Variants in NALCN observed in about 807,000 individuals in gnomAD.
NALCN encodes the protein sodium leak channel, non-selective, also known as sodium leak channel NALCN.
A neutral mutation model predicts 225.3 loss-of-function variants in NALCN; 111 were observed. The observed-to-expected ratio is 0.49, with a 90% CI of 0.42 to 0.58. The LOEUF (loss-of-function observed/expected upper bound fraction) is 0.58. NALCN is among the 20% of genes least tolerant of loss of function. The probability of loss-of-function intolerance (pLI) is 0.00; values close to 1 mark genes in which losing one functional copy is unlikely to be tolerated. For synonymous variants in NALCN, 764 were observed against 769.0 expected (o/e 0.99, Z 0.11); for missense variants, 1,378 against 2,202.4 (o/e 0.63, Z 7.49).
chr13:101,237,216 G>C (rs934917350), intron 12 of NALCN, among the ~76,000 whole-genome samples: 19 of 151,750 alleles, frequency 1.3e-4, no homozygotes, highest in African/African-American at 3.9e-4. Context: ...AGTTAAATAA[G>C]AATTATAAGT....
At chr13:101,233,367 G>A (rs12866758) in intron 12 of NALCN, among the ~76,000 whole-genome samples, 34,377 of 147,482 alleles carry the variant, frequency 0.23, 4,276 homozygotes, top group East Asian at 0.36. Flanking sequence ...GTGAGACGGA[G>A]TCTCCCTCTG....
At position 101,203,888 on chromosome 13, in the gene NALCN, T is replaced by C. The variant is rs369972053; in HGVS notation, c.1627-11834A>G. On this transcript the variant is annotated intron_variant, in intron 13 of 43. Coordinates refer to ENST00000251127, the MANE Select transcript of NALCN (RefSeq NM_052867.4). ...TACTAATAGATGCTATGAATTGCCT[T>C]TTGGTGCTGTCAACTCATCAGGGTC... Among the ~76,000 whole-genome samples the C allele has an allele frequency of 1.1e-4, 16 of 152,290 alleles. 1 individual carries two copies. The East Asian group carries it at 1.5e-3, about 15-fold the overall frequency.
intron 13 of NALCN, among the ~76,000 whole-genome samples, chr13:101,222,765 T>C (rs1195094840): frequency 6.6e-6 from 1 of 152,204 alleles, no homozygotes; most frequent in Non-Finnish European, 1.5e-5. Flanking sequence ...TCCATTCCAA[T>C]GCCTAAATTT....
At chr13:101,415,228 T>TATATATATATATATATATAAATAC in intron 1 of NALCN, among the ~76,000 whole-genome samples, 1 of 129,300 alleles carries the variant, frequency 7.7e-6, no homozygotes, top group Non-Finnish European at 1.6e-5. Flanking sequence ...TATATATACA[T>TATATATATATATATATATAAATAC]ACATATATAT....
rs1310736257 is a variant in NALCN, at chr13:101,229,517, C to A, written c.1502G>T (p.Gly501Val). The A allele has an allele frequency of 6.2e-7, 1 of 1,611,750 alleles. No homozygotes were observed. Among genetic ancestry groups the A allele is most frequent in the Non-Finnish European group, 8.5e-7 (1 of 1,179,030 alleles). ...ALEDFVYKIF[G>V]PGKKLGSLVV... ...CAAACTCCCAAGCTTTTTTCCAGGA[C>A]CAAATATCTTGTACACAAAGTCTTC... The change falls in exon 13 of 44, where the codon GGT becomes GTT. Residue 501 changes from glycine to valine, a missense_variant. Transcript: ENST00000251127.
chr13:101,115,842 A>G (rs2035682634), intron 18 of NALCN, among the ~76,000 whole-genome samples: 3 of 152,156 alleles, frequency 2.0e-5, no homozygotes, highest in African/African-American at 4.8e-5. Flanking sequence ...TCTTTTCACA[A>G]TGGCAAGTAC....
chr13:101,067,197 G>C (rs1160452098), intron 39 of NALCN, among the ~76,000 whole-genome samples: 2 of 148,278 alleles, frequency 1.3e-5, no homozygotes, highest in Non-Finnish European at 3.0e-5. Flanking sequence ...AGGAGGAGGT[G>C]GGGGAGGAGA....
intron 15 of NALCN, among the ~76,000 whole-genome samples, chr13:101,163,339 T>C (rs1489368505): frequency 1.3e-5 from 2 of 152,092 alleles, no homozygotes; most frequent in East Asian, 1.9e-4. Context: ...TGGACAATCT[T>C]AGGTGTGTAG....
chr13:101,142,978 C>G, intron 17 of NALCN, 102 bp downstream of exon 17: 1 of 1,375,468 alleles, frequency 7.3e-7, no homozygotes, highest in Non-Finnish European at 1.0e-6. Flanking sequence ...TTTCATTATT[C>G]TCTTGAGAAA....
intron 6 of NALCN, among the ~76,000 whole-genome samples, chr13:101,360,067 T>TTTTC (rs548734563): frequency 2.7e-5 from 4 of 148,760 alleles, no homozygotes; most frequent in South Asian, 2.2e-4. Flanking sequence ...CTTTCTTTCT[T>TTTTC]TTTCTTTCTT....
chr13:101,278,817 C>A (rs761777079), intron 10 of NALCN, among the ~76,000 whole-genome samples: 6 of 152,256 alleles, frequency 3.9e-5, no homozygotes, highest in South Asian at 4.2e-4. Context: ...TAGACTCCAA[C>A]GACATGCATA....
At chr13:101,291,549 T>C (rs1489374707) in intron 9 of NALCN, among the ~76,000 whole-genome samples, 1 of 152,110 alleles carries the variant, frequency 6.6e-6, no homozygotes, top group Non-Finnish European at 1.5e-5. Flanking sequence ...TTATTTTATT[T>C]TCTTTTATGT....
At chr13:101,137,883 A>G (rs1394986011) in intron 17 of NALCN, among the ~76,000 whole-genome samples, 1 of 152,184 alleles carries the variant, frequency 6.6e-6, no homozygotes, top group African/African-American at 2.4e-5. Flanking sequence ...ATTTAACATT[A>G]TTACATTATT....
chr13:101,104,766 TC>T lies in NALCN; in HGVS notation c.2637-117del, dbSNP rs775197221. On this transcript the variant is annotated intron_variant, in intron 23 of 43. Coordinates refer to ENST00000251127, the MANE Select transcript of NALCN (RefSeq NM_052867.4). The surrounding 1 kb of genome is among the most constrained non-coding windows in gnomAD (Gnocchi z 4.2). ...ATGACTGGTATTTTAAAAACATCAT[TC>T]CCCAATCATCTATTTCATAGCACTA... The T allele has an allele frequency of 3.2e-6, 5 of 1,546,288 alleles. No individual in the cohort carries two copies. Among genetic ancestry groups the T allele is most frequent in the Non-Finnish European group, 3.5e-6 (4 of 1,129,936 alleles).
chr13:101,252,985 A>G (rs570279665), intron 11 of NALCN, among the ~76,000 whole-genome samples: 2 of 152,258 alleles, frequency 1.3e-5, no homozygotes, highest in South Asian at 4.1e-4. Flanking sequence ...TCATATAATA[A>G]TAAGAAAAAT....
intron 1 of NALCN, among the ~76,000 whole-genome samples, chr13:101,411,946 G>A (rs571019941): frequency 5.2e-4 from 79 of 152,140 alleles, no homozygotes; most frequent in African/African-American, 1.7e-3. Flanking sequence ...TTTTCAGGAC[G>A]TTATTTTATG....
intron 17 of NALCN, among the ~76,000 whole-genome samples, chr13:101,140,021 T>C (rs913901047): frequency 2.6e-5 from 4 of 152,092 alleles, no homozygotes; most frequent in African/African-American, 9.7e-5. Flanking sequence ...TTGCTGAAAA[T>C]GGTGGATCCT....
At chr13:101,332,014 T>C (rs2045192310) in intron 7 of NALCN, among the ~76,000 whole-genome samples, 1 of 152,038 alleles carries the variant, frequency 6.6e-6, no homozygotes, top group South Asian at 2.1e-4. Flanking sequence ...GTCATTGGAC[T>C]CCCACCTGCC....
Position 101,112,299 on chromosome 13 carries a change from G to A in NALCN, c.2193-1073C>T, listed in dbSNP as rs117621219. Among the ~76,000 whole-genome samples the A allele has an allele frequency of 2.0e-5, 3 of 151,870 alleles. No individual in the cohort carries two copies. In the South Asian group the frequency reaches 6.2e-4, roughly 32 times the overall value. On this transcript the variant is annotated intron_variant, in intron 18 of 43. Coordinates refer to ENST00000251127, the MANE Select transcript of NALCN (RefSeq NM_052867.4). The stretch of plus-strand genomic sequence containing the variant: ...ACCAGTTACCACTTGTTTAAACCAC[G>A]AAGACTTTTAAAAACATGTTCTTTT...
Sources: allele counts gnomAD v4.1 joint callset (sites outside exome capture counted in the v4.1 genomes callset), GRCh38; gene constraint gnomAD v4.1.1; non-coding constraint Gnocchi (gnomAD v3.1); transcripts MANE v1.5; gene names NCBI Gene and HGNC (gene_info 2026-07-23, HGNC 2026-07-21).